Variants in KDM6A observed in about 807,000 individuals in gnomAD.
KDM6A encodes lysine demethylase 6A.
In KDM6A, 11 loss-of-function variants were observed where a neutral mutation model predicts 117.6. The observed-to-expected ratio is 0.09, with a 90% CI of 0.06 to 0.15. The LOEUF (loss-of-function observed/expected upper bound fraction) is 0.15. KDM6A is among the 10% of genes least tolerant of loss of function. The pLI is 1.00. For missense variants in KDM6A, 799 were observed against 1,077.3 expected, an observed-to-expected ratio of 0.74 and a Z score of 3.62; for synonymous variants, 384 against 396.1, an observed-to-expected ratio of 0.97 and a Z score of 0.36.
Position 45,111,439 on chromosome X carries a change from CT to C in KDM6A, c.*32del. The C allele has an allele frequency of 8.8e-7, 1 of 1,141,976 alleles. No homozygotes were observed. 94.1% of individuals were successfully genotyped at this position (1,141,976 alleles called of 1,213,427 possible). The stretch of plus-strand genomic sequence containing the variant: ...TTGTTCCATGGACATTAAATGAGAC[CT>C]TTTCTGCTATTCAGGAAATAACCCA... On this transcript the variant is annotated 3_prime_UTR_variant, in exon 30 of 30. Coordinates refer to ENST00000611820, the MANE Select transcript of KDM6A (RefSeq NM_001291415.2).
rs1364358460 is a variant in KDM6A, at chrX:44,881,824, A to G, written c.225+7837A>G. ...TTCCTCAGCCTCCTGAGTAGCTGACATTACAGGTGTGCACCACCACGCCTA... is the reference window on the plus strand; with the variant it reads ...TTCCTCAGCCTCCTGAGTAGCTGACGTTACAGGTGTGCACCACCACGCCTA... On this transcript the variant is annotated intron_variant, in intron 2 of 29. Coordinates refer to ENST00000611820, the MANE Select transcript of KDM6A (RefSeq NM_001291415.2). Among the ~76,000 whole-genome samples the G allele has an allele frequency of 6.4e-5, 7 of 109,358 alleles. No individual in the cohort carries two copies. The South Asian group carries it at 2.8e-3, about 44-fold the overall frequency. 95.0% of individuals were successfully genotyped at this position (109,358 alleles called of 115,157 possible).
chrX:44,876,697 A>C (rs1304744095), intron 2 of KDM6A, among the ~76,000 whole-genome samples: 1 of 92,984 alleles, frequency 1.1e-5, no homozygotes, highest in East Asian at 3.4e-4. Flanking sequence ...TTTAGCTATT[A>C]CTACTTGTTT....
At chrX:44,988,195 C>G (rs1206340901) in intron 4 of KDM6A, among the ~76,000 whole-genome samples, 1 of 111,918 alleles carries the variant, frequency 8.9e-6, no homozygotes, top group Non-Finnish European at 1.9e-5. Context: ...TCCAGTTGAT[C>G]AAATCGGCTA....
At chrX:45,012,535 C>T (rs1361211054) in intron 5 of KDM6A, among the ~76,000 whole-genome samples, 2 of 110,989 alleles carry the variant, frequency 1.8e-5, no homozygotes, top group African/African-American at 6.6e-5. Context: ...CTGACCTTTT[C>T]AGAGTCCCTT....
At chrX:45,079,743 A>T (rs2045314751) in intron 21 of KDM6A, among the ~76,000 whole-genome samples, 1 of 111,768 alleles carries the variant, frequency 8.9e-6, no homozygotes, top group Non-Finnish European at 1.9e-5. Flanking sequence ...ACTGGGTTTC[A>T]CCATGTTGGC....
rs777632444 is a variant in KDM6A at position 44,932,029 on chromosome X, C to G, written c.226-29255C>G. Among the ~76,000 whole-genome samples, 5 of 90,515 alleles carry G rather than the reference C, an allele frequency of 5.5e-5. No homozygotes were observed. The East Asian group carries it at 1.8e-3, about 33-fold the overall frequency. The allele number at this position is 90,515 out of a possible 115,157, so 78.6% of individuals were successfully genotyped here. On this transcript the variant is annotated intron_variant, in intron 2 of 29. Transcript: ENST00000611820. Reference sequence around the variant, plus strand: ...GCTTGCTTGAATATTCCTGTGATATCTTTTAGATCATTGCTGTTTTAGCTA... The same window carrying G: ...GCTTGCTTGAATATTCCTGTGATATGTTTTAGATCATTGCTGTTTTAGCTA...
intron 8 of KDM6A, among the ~76,000 whole-genome samples, chrX:45,042,660 TTTCCCCACTTCTCTACATAGGAA>T (rs2043326257): frequency 1.9e-5 from 2 of 104,315 alleles, no homozygotes; most frequent in East Asian, 6.2e-4. Context: ...TAGGAAGAAG[TTTCCCCACTTCTCTACATAGGAA>T]GAAGTTTCCC....
At chrX:45,076,218 A>G (rs1163738149) in intron 18 of KDM6A, among the ~76,000 whole-genome samples, 1 of 111,432 alleles carries the variant, frequency 9.0e-6, no homozygotes, top group Non-Finnish European at 1.9e-5. Context: ...CTGATTTGAG[A>G]AAAAGGAAAA....
chrX:45,003,695 T>TTA (rs1039954525), intron 4 of KDM6A, among the ~76,000 whole-genome samples: 3 of 110,031 alleles, frequency 2.7e-5, no homozygotes, highest in Non-Finnish European at 3.8e-5. Flanking sequence ...CCTTTACTAC[T>TTA]TATCTCTCTC....
At chrX:44,967,786 A>G (rs753798545) in intron 3 of KDM6A, among the ~76,000 whole-genome samples, 1 of 112,427 alleles carries the variant, frequency 8.9e-6, no homozygotes, top group Admixed American at 9.4e-5. Flanking sequence ...GTAATCATTT[A>G]TCTTTTCTGT....
Position 45,085,782 on chromosome X carries a change from T to C in KDM6A, c.3590-83T>C, listed in dbSNP as rs1330475834. ...ATTTTTCTATAGAATTATAGTGTGA[T>C]GATTAATTTTTTTCTGTATAAGTAC... On this transcript the variant is annotated intron_variant, in intron 24 of 29. Transcript: ENST00000611820. 9.2e-6 allele frequency: 5 copies of C among 541,811 alleles called. No homozygotes were observed. In the African/African-American group the frequency reaches 1.2e-4, roughly 12 times the overall value. The allele number at this position is 541,811 out of a possible 1,213,427, so 44.7% of individuals were successfully genotyped here. A position where few individuals can be genotyped will look rare whatever the true frequency, so the allele number is the denominator to read the frequency against.
chrX:44,940,694 G>T (rs868719269), intron 2 of KDM6A, among the ~76,000 whole-genome samples: 17 of 111,668 alleles, frequency 1.5e-4, no homozygotes, highest in Non-Finnish European at 7.5e-5. Context: ...ATTAATCATT[G>T]TACAAAAATG....
At chrX:44,969,106 A>G (rs1428757274) in intron 3 of KDM6A, among the ~76,000 whole-genome samples, 3 of 111,661 alleles carry the variant, frequency 2.7e-5, no homozygotes, top group Non-Finnish European at 5.6e-5. Context: ...GGAGTGTAAT[A>G]ATCATTCCTG....
intron 27 of KDM6A, among the ~76,000 whole-genome samples, chrX:45,097,962 C>T (rs2046180512): frequency 1.8e-5 from 2 of 112,173 alleles, no homozygotes; most frequent in Non-Finnish European, 3.8e-5. Flanking sequence ...TTTGATAATG[C>T]AGTGAACTTG....
intron 2 of KDM6A, among the ~76,000 whole-genome samples, chrX:44,915,062 T>A (rs1232434465): frequency 3.6e-5 from 4 of 111,847 alleles, no homozygotes; most frequent in Non-Finnish European, 7.5e-5. Flanking sequence ...CAGTTGTACA[T>A]TGTGGATGTT....
chrX:44,962,381 G>T (rs139160738), intron 3 of KDM6A, among the ~76,000 whole-genome samples: 2 of 111,556 alleles, frequency 1.8e-5, no homozygotes, highest in East Asian at 5.6e-4. Flanking sequence ...TATAAACATC[G>T]CTGAGTATCT....
intron 28 of KDM6A, among the ~76,000 whole-genome samples, chrX:45,109,002 G>T (rs1485207754): frequency 9.9e-6 from 1 of 101,235 alleles, no homozygotes; most frequent in Non-Finnish European, 2.0e-5. Flanking sequence ...ATAGCACTGG[G>T]AGATATACCT....
intron 2 of KDM6A, among the ~76,000 whole-genome samples, chrX:44,927,752 G>T (rs574531315): frequency 1.6e-4 from 18 of 111,371 alleles, no homozygotes; most frequent in Non-Finnish European, 2.8e-4. Context: ...ATCATTAGCC[G>T]GTCACCAAAC....
rs1446883323 is a variant in KDM6A, at chrX:45,058,991, C to A, written c.876-15C>A. On this transcript the variant is annotated splice_polypyrimidine_tract_variant and intron_variant, in intron 10 of 29. Transcript: ENST00000611820. ...AATTCTCTTGATTTTTTTTTTTTTT[C>A]CCTTCCCTTCTCAGGTGCTATTCAA... The A allele has an allele frequency of 3.7e-6, 4 of 1,081,565 alleles. No homozygotes were observed. Among genetic ancestry groups the A allele is most frequent in the Non-Finnish European group, 5.0e-6 (4 of 803,657 alleles). The allele number at this position is 1,081,565 out of a possible 1,213,427, so 89.1% of individuals were successfully genotyped here.
Sources: allele counts gnomAD v4.1 joint callset (sites outside exome capture counted in the v4.1 genomes callset), GRCh38; gene constraint gnomAD v4.1.1; transcripts MANE v1.5; gene names NCBI Gene and HGNC (gene_info 2026-07-23, HGNC 2026-07-21).